The following PPP1R12B variants were observed in gnomAD, a reference collection of about 807,000 sequenced individuals.
PPP1R12B encodes myosin phosphatase target subunit 2.
Under a neutral mutation model 126.1 loss-of-function variants are expected in PPP1R12B, and 76 were observed. The ratio of observed to expected loss-of-function variants is 0.60; its 90% CI spans 0.50 to 0.73. PPP1R12B has a LOEUF of 0.73. PPP1R12B is among the 30% of genes least tolerant of loss of function. PPP1R12B has a pLI of 0.00. For missense variants in PPP1R12B, 1,052 were observed against 1,205.1 expected (o/e 0.87, Z 1.88); for synonymous variants, 356 against 434.7 (o/e 0.82, Z 2.25).
rs569867878 is a variant in PPP1R12B, at chr1:202,375,344, T to C, written c.291+26202T>C. The stretch of plus-strand genomic sequence containing the variant: ...TCATTGCCCTGTTCTCTAGTCTCAC[T>C]TCTTGTTGTTCCCGTTTTTGAATTC... On this transcript the variant is annotated intron_variant, in intron 1 of 23. Coordinates refer to ENST00000608999, the MANE Select transcript of PPP1R12B (RefSeq NM_002481.4). Among the ~76,000 whole-genome samples the C allele has an allele frequency of 1.5e-4, 23 of 152,370 alleles. No individual in the cohort carries two copies. In the South Asian group the frequency reaches 4.8e-3, roughly 32 times the overall value.
chr1:202,495,169 C>T, intron 15 of PPP1R12B, 124 bp from the exon 16 acceptor site: 1 of 662,418 alleles, frequency 1.5e-6, no homozygotes, highest in Non-Finnish European at 2.3e-6. Flanking sequence ...ACCAGGTACT[C>T]AATATTGATC....
intron 18 of PPP1R12B, among the ~76,000 whole-genome samples, chr1:202,501,122 C>G (rs572218184): frequency 2.6e-5 from 4 of 152,184 alleles, no homozygotes; most frequent in African/African-American, 9.7e-5. Context: ...ATGACAGTCT[C>G]TGAGAATCTT....
rs767186890 is a variant in PPP1R12B, at chr1:202,449,097, C to T, written c.1776C>T (p.Ala592=). 14 of 1,613,742 alleles carry T rather than the reference C, an allele frequency of 8.7e-6. No homozygotes were observed. Among genetic ancestry groups the T allele is most frequent in the African/African-American group, 1.3e-5 (1 of 74,894 alleles). ...CCAATCGCCCTCTTCCTAGCACTGC[C>T]AATGGGGTTACAGCTACTCCTGTGC... ...VITNRPLPST[A]NGVTATPVLS... Residue 592 remains alanine, a synonymous_variant, in exon 13 of 24, where the codon GCC becomes GCT. Transcript: ENST00000608999.
intron 2 of PPP1R12B, among the ~76,000 whole-genome samples, chr1:202,418,565 A>C (rs1216219170): frequency 6.6e-6 from 1 of 152,194 alleles, no homozygotes; most frequent in African/African-American, 2.4e-5. Context: ...TCTCTAGCTC[A>C]AACAAATATT....
chr1:202,517,913 A>C (rs887023918), intron 18 of PPP1R12B, among the ~76,000 whole-genome samples: 1 of 152,250 alleles, frequency 6.6e-6, no homozygotes, highest in Non-Finnish European at 1.5e-5. Context: ...GGCGTGAGCC[A>C]CTGCACCCAG....
At chr1:202,533,550 C>T (rs1247981603) in intron 18 of PPP1R12B, among the ~76,000 whole-genome samples, 1 of 152,102 alleles carries the variant, frequency 6.6e-6, no homozygotes, top group Admixed American at 6.5e-5. Flanking sequence ...AACCCCTGGG[C>T]TCAAGAGATT....
chr1:202,456,310 A>G (rs1673634433), intron 13 of PPP1R12B, among the ~76,000 whole-genome samples: 1 of 152,036 alleles, frequency 6.6e-6, no homozygotes, highest in South Asian at 2.1e-4. Context: ...AGAAATGTGA[A>G]TGGTTTGAAA....
chr1:202,550,371 A>C (rs752522681), intron 18 of PPP1R12B, among the ~76,000 whole-genome samples: 4 of 152,182 alleles, frequency 2.6e-5, no homozygotes, highest in Non-Finnish European at 4.4e-5. Flanking sequence ...AAATAGGTAT[A>C]ATGGTGGTCA....
At chr1:202,562,413 C>T (rs1365515378) in intron 19 of PPP1R12B, among the ~76,000 whole-genome samples, 1 of 152,172 alleles carries the variant, frequency 6.6e-6, no homozygotes, top group Non-Finnish European at 1.5e-5. Context: ...ATCATTTTTC[C>T]AAGAGCCATT....
chr1:202,349,259 C>A, intron 1 of PPP1R12B, 117 bp downstream of exon 1: 3 of 1,197,726 alleles, frequency 2.5e-6, no homozygotes, highest in South Asian at 2.8e-5. Flanking sequence ...ATGGACACTG[C>A]CCTTTTGGGC....
intron 18 of PPP1R12B, among the ~76,000 whole-genome samples, chr1:202,535,041 A>ATGTG (rs999207476): frequency 4.8e-4 from 72 of 149,928 alleles, no homozygotes; most frequent in Middle Eastern, 3.4e-3. Context: ...ATGGATGATT[A>ATGTG]TGTGTGTGTG....
At chr1:202,532,331 G>C (rs1425162819) in intron 18 of PPP1R12B, among the ~76,000 whole-genome samples, 1 of 152,172 alleles carries the variant, frequency 6.6e-6, no homozygotes, top group Admixed American at 6.5e-5. Context: ...CAAGGTCTTT[G>C]TGACCTGTAT....
intron 18 of PPP1R12B, among the ~76,000 whole-genome samples, chr1:202,556,260 A>G (rs1357654328): frequency 2.0e-5 from 3 of 152,198 alleles, no homozygotes; most frequent in African/African-American, 7.2e-5. Context: ...ACTTCCTTGT[A>G]GTTATCACAG....
At chr1:202,561,208 T>C (rs1204423678) in intron 19 of PPP1R12B, among the ~76,000 whole-genome samples, 1 of 152,094 alleles carries the variant, frequency 6.6e-6, no homozygotes, top group African/African-American at 2.4e-5. Flanking sequence ...CAGATACATA[T>C]TTCTGTCATA....
chr1:202,464,850 G>A (rs1674779179), intron 13 of PPP1R12B, among the ~76,000 whole-genome samples: 2 of 152,288 alleles, frequency 1.3e-5, no homozygotes, highest in South Asian at 2.1e-4. Context: ...GACATCAAAT[G>A]TACACATAGT....
rs750010884 is a variant in PPP1R12B at position 202,564,491 on chromosome 1, C to G, written c.2701C>G (p.Gln901Glu). ...TENQKLKTKLQEAQLELADIK... is the reference protein window; with the variant it reads ...TENQKLKTKLEEAQLELADIK... ...AAACCAAAAACTGAAAACAAAACTT[C>G]AGGAAGCCCAGCTAGAGCTAGCAGA... Residue 901 changes from glutamine (Q) to glutamate (E), a missense_variant, in exon 21 of 24, where the codon CAG becomes GAG. Physicochemically the swap from Gln to Glu is conservative, Grantham distance 29. Transcript: ENST00000608999. 1.2e-6 allele frequency: 2 copies of G among 1,612,846 alleles called. No homozygotes were observed. The highest frequency in any genetic ancestry group is 3.3e-5 in the Admixed American group (2 of 60,008).
rs1006628198 is a variant in PPP1R12B at position 202,389,920 on chromosome 1, C to G, written c.292-26867C>G. Among the ~76,000 whole-genome samples, 5 of 118,790 alleles carry G rather than the reference C, an allele frequency of 4.2e-5. 1 individual carries two copies. The highest frequency in any genetic ancestry group is 8.5e-5 in the Non-Finnish European group (5 of 58,856). 77.9% of individuals were successfully genotyped at this position (118,790 alleles called of 152,430 possible). A position where few individuals can be genotyped will look rare whatever the true frequency, so the allele number is the denominator to read the frequency against. ...CCAGTCTGGGCGACAGAGCGGGACT[C>G]TGTCTCAAAAAAAAAAAAAAAAAAA... On this transcript the variant is annotated intron_variant, in intron 1 of 23. Transcript: ENST00000608999.
At chr1:202,481,803 G>T (rs1677413133) in intron 13 of PPP1R12B, among the ~76,000 whole-genome samples, 1 of 151,994 alleles carries the variant, frequency 6.6e-6, no homozygotes, top group African/African-American at 2.4e-5. Context: ...ACCTTACTCT[G>T]CAATAGAACA....
rs948455064 is a variant in PPP1R12B, at chr1:202,586,582, A to G, written c.*6022A>G. 3.3e-5 allele frequency: 5 copies of G among 152,202 alleles called. No homozygotes were observed. Among genetic ancestry groups the G allele is most frequent in the African/African-American group, 1.2e-4 (5 of 41,444 alleles). 9.4% of individuals were successfully genotyped at this position (152,202 alleles called of 1,614,324 possible). On this transcript the variant is annotated 3_prime_UTR_variant, in exon 24 of 24. Transcript: ENST00000608999. ...TTAGATTGGAAAATAGATCAACTTC[A>G]TTGTAGTCCAGGAACTGTTGGTCAC...
Sources: gnomAD v4.1 joint callset for allele counts (sites outside exome capture counted in the v4.1 genomes callset) on GRCh38, gnomAD v4.1.1 for gene constraint, MANE v1.5 for transcripts, NCBI Gene and HGNC (gene_info 2026-07-23, HGNC 2026-07-21) for gene names.